The following MUC5AC variants were observed in gnomAD, a reference collection of about 807,000 sequenced individuals.
MUC5AC encodes mucin-5AC.
MUC5AC carries 158 observed loss-of-function variants against 169.7 expected under a neutral mutation model. That is an observed-to-expected ratio of 0.93 (90% CI 0.82 to 1.06). The LOEUF is 1.06. Ranked by LOEUF, MUC5AC falls within the 50% of genes least tolerant of loss-of-function variation. The probability of loss-of-function intolerance (pLI) is 0.00; values close to 1 mark genes in which losing one functional copy is unlikely to be tolerated. For missense variants in MUC5AC, 4,359 were observed against 3,089.9 expected (o/e 1.41, Z -9.74); for synonymous variants, 1,975 against 1,237.0 (o/e 1.60, Z -12.52).
chr11:1,199,753 C>G lies in MUC5AC; in HGVS notation c.16574C>G (p.Pro5525Arg), dbSNP rs777192292. ...CGCTTCTGCCCGCCGCCCCCGCCCC[C>G]GTACCAGAACCGTGAGTACCCAGCC... The part of the protein sequence containing the change: ...CCRFCPPPPP[P>R]YQNQSTCAVY... The change falls in exon 47 of 49, where the codon CCG becomes CGG. Residue 5525 changes from proline to arginine, a missense_variant. Pro to Arg is a moderately radical substitution (Grantham distance 103). Transcript: ENST00000621226. 2 of 713,818 alleles carry G rather than the reference C, an allele frequency of 2.8e-6. No homozygotes were observed. Among genetic ancestry groups the G allele is most frequent in the Non-Finnish European group, 5.1e-6 (2 of 391,614 alleles). The allele number at this position is 713,818 out of a possible 1,614,324, so 44.2% of individuals were successfully genotyped here.
chr11:1,160,073 G>C (rs1174067216), intron 1 of MUC5AC, among the ~76,000 whole-genome samples: 2 of 151,774 alleles, frequency 1.3e-5, no homozygotes, highest in Non-Finnish European at 2.9e-5. Context: ...TCTGTGCAGG[G>C]CTGTGCGGGG....
chr11:1,158,356 C>A (rs372810607), intron 1 of MUC5AC, among the ~76,000 whole-genome samples: 4 of 152,212 alleles, frequency 2.6e-5, no homozygotes, highest in Non-Finnish European at 5.9e-5. Flanking sequence ...CGGATCCCTG[C>A]ACCTGTCCCC....
intron 27 of MUC5AC, 47 bp downstream of exon 27, chr11:1,180,197 G>A (rs1860783983): frequency 7.5e-6 from 3 of 398,216 alleles, no homozygotes; most frequent in African/African-American, 2.1e-5. Flanking sequence ...GCCGCCTGTG[G>A]CCTTCTCCTG....
chr11:1,198,028 G>C, intron 42 of MUC5AC, 24 bp downstream of exon 42: 1 of 650,930 alleles, frequency 1.5e-6, no homozygotes, highest in South Asian at 1.7e-5. Flanking sequence ...ACCAGGCCCT[G>C]TCAGGGGCCG....
Position 1,189,782 on chromosome 11 carries a change from A to G in MUC5AC, c.11637A>G (p.Thr3879=). The G allele has an allele frequency of 1.4e-6, 1 of 700,822 alleles. No individual in the cohort carries two copies. The highest frequency in any genetic ancestry group is 2.6e-6 in the Non-Finnish European group (1 of 384,820). 43.4% of individuals were successfully genotyped at this position (700,822 alleles called of 1,614,324 possible). A position where few individuals can be genotyped will look rare whatever the true frequency, so the allele number is the denominator to read the frequency against. ...CAATCTCTGCCCCTACAACCAGCAC[A>G]ACCTCTTTCCATACAACCAGCACAA... ...ASTISAPTTS[T]TSFHTTSTTS... is the part of the protein sequence containing the mutation. The change falls in exon 31 of 49, where the codon ACA becomes ACG. Residue 3879 remains threonine (T), a synonymous_variant. Transcript: ENST00000621226.
In MUC5AC at chr11:1,174,877, C is replaced by G. The variant is rs943828495; in HGVS notation, c.2093-5C>G. 3 of 419,166 alleles carry G rather than the reference C, an allele frequency of 7.2e-6. No homozygotes were observed. The South Asian group carries it at 2.2e-4, about 31-fold the overall frequency. 26.0% of individuals were successfully genotyped at this position (419,166 alleles called of 1,614,324 possible). ...TGAGAATCCCCTCTTCCTGGCATCC[C>G]GCAGCGAAGCCTATGACCACTTGCC... On this transcript the variant is annotated splice_region_variant and splice_polypyrimidine_tract_variant and intron_variant, in intron 17 of 48. Coordinates refer to ENST00000621226, the MANE Select transcript of MUC5AC (RefSeq NM_001304359.2).
chr11:1,186,189 A>G lies in MUC5AC; in HGVS notation c.8044A>G (p.Thr2682Ala). 1.3e-6 allele frequency: 1 copy of G among 747,896 alleles called. No homozygotes were observed. Among genetic ancestry groups the G allele is most frequent in the East Asian group, 2.5e-5 (1 of 40,780 alleles). 46.3% of individuals were successfully genotyped at this position (747,896 alleles called of 1,614,324 possible). ...CACCAGCACAACTTCTGCTTCTACA[A>G]CCAGCACAACCTCTGCTTCTACAAC... ...PTTSTTSAST[T>A]STTSASTTST... is the part of the protein sequence containing the mutation. The change falls in exon 31 of 49, where the codon ACC becomes GCC. Residue 2682 changes from threonine to alanine, a missense_variant. Coordinates refer to ENST00000621226, the MANE Select transcript of MUC5AC (RefSeq NM_001304359.2).
intron 32 of MUC5AC, 45 bp downstream of exon 32, chr11:1,193,027 C>T (rs1377853552): frequency 3.1e-6 from 2 of 635,990 alleles, no homozygotes; most frequent in Non-Finnish European, 5.7e-6. Flanking sequence ...GGGGCTCCTA[C>T]AGGGAACTTG....
rs1861418355 is a variant in MUC5AC, at chr11:1,201,111, T to G, written c.*409T>G. ...CCTCCTCAGTACACGGCCAATCTGT[T>G]GCATAAATACACTTGAGCATTTTGC... is the stretch of plus-strand genomic sequence containing the variant. On this transcript the variant is annotated 3_prime_UTR_variant, in exon 49 of 49. Transcript: ENST00000621226. 1 of 173,098 alleles carries G rather than the reference T, an allele frequency of 5.8e-6. No homozygotes were observed. The highest frequency in any genetic ancestry group is 1.2e-5 in the Non-Finnish European group (1 of 82,048). The allele number at this position is 173,098 out of a possible 1,614,324, so 10.7% of individuals were successfully genotyped here. A position where few individuals can be genotyped will look rare whatever the true frequency, so the allele number is the denominator to read the frequency against.
Position 1,179,073 on chromosome 11 carries a change from G to A in MUC5AC, c.3328-19G>A. On this transcript the variant is annotated intron_variant, in intron 25 of 48. Coordinates refer to ENST00000621226, the MANE Select transcript of MUC5AC (RefSeq NM_001304359.2). ...GGTGGTGGGGGGGTCCCTGGAACCT[G>A]AAGCCCCGTCTCCCTCAGGTGGAGC... is the stretch of plus-strand genomic sequence containing the variant. The A allele has an allele frequency of 3.9e-6, 2 of 507,512 alleles. No individual in the cohort carries two copies. Among genetic ancestry groups the A allele is most frequent in the Non-Finnish European group, 7.1e-6 (2 of 280,016 alleles). The allele number at this position is 507,512 out of a possible 1,614,324, so 31.4% of individuals were successfully genotyped here.
At chr11:1,173,738 AC>A (rs1860610265) in intron 16 of MUC5AC, among the ~76,000 whole-genome samples, 1 of 148,696 alleles carries the variant, frequency 6.7e-6, no homozygotes, top group Non-Finnish European at 1.5e-5. Flanking sequence ...TCATCCACTC[AC>A]TCACTCACTC....
chr11:1,164,190 A>G lies in MUC5AC; in HGVS notation c.874A>G (p.Arg292Gly). The G allele has an allele frequency of 1.9e-6, 3 of 1,612,584 alleles. No homozygotes were observed. Among genetic ancestry groups the G allele is most frequent in the Non-Finnish European group, 2.5e-6 (3 of 1,179,862 alleles). ...CGTCGGCAGCTACCTGGAGGCTTGC[A>G]GGCAAGACCTCTGCTTCTGTGAAGA... ...VDVGSYLEACRQDLCFCEDTD... is the reference protein window; with the variant it reads ...VDVGSYLEACGQDLCFCEDTD... Residue 292 changes from arginine to glycine, a missense_variant, in exon 8 of 49, where the codon AGG (arginine) becomes GGG (glycine). Physicochemically the swap from Arg to Gly is moderately radical, Grantham distance 125. Coordinates refer to ENST00000621226, the MANE Select transcript of MUC5AC (RefSeq NM_001304359.2).
rs778288145 is a variant in MUC5AC at position 1,195,241 on chromosome 11, G to A, written c.15420G>A (p.Pro5140=). The A allele has an allele frequency of 2.9e-5, 22 of 760,936 alleles. No homozygotes were observed. Among genetic ancestry groups the A allele is most frequent in the Middle Eastern group, 2.2e-4 (1 of 4,446 alleles). 47.1% of individuals were successfully genotyped at this position (760,936 alleles called of 1,614,324 possible). The change falls in exon 36 of 49, where the codon CCG becomes CCA. Residue 5140 remains proline (P), a synonymous_variant. Coordinates refer to ENST00000621226, the MANE Select transcript of MUC5AC (RefSeq NM_001304359.2). The part of the protein sequence containing the change: ...TTVGPTTPPA[P]CLPSPICQLI... ...TCGGGCCCACCACACCGCCTGCTCC[G>A]TGCCTGCCATCACCCATCTGCCAGC...
Position 1,162,161 on chromosome 11 carries a change from G to T in MUC5AC, c.466G>T (p.Gly156Cys). 5 of 1,609,772 alleles carry T rather than the reference G, an allele frequency of 3.1e-6. No homozygotes were observed. Among genetic ancestry groups the T allele is most frequent in the Non-Finnish European group, 4.2e-6 (5 of 1,177,740 alleles). ...QLTKGSVLVN[G>C]HPVLLPFSQS... is the part of the protein sequence containing the mutation. ...GACCAAGGGCTCCGTCCTGGTCAAC[G>T]GCCACCCGTGAGTCTGGGTTCTGGG... is the stretch of plus-strand genomic sequence containing the variant. Residue 156 changes from glycine (G) to cysteine (C), a missense_variant, in exon 4 of 49, where the codon GGC becomes TGC. Physicochemically the swap from Gly to Cys is radical, Grantham distance 159. Coordinates refer to ENST00000621226, the MANE Select transcript of MUC5AC (RefSeq NM_001304359.2).
rs2133738084 is a variant in MUC5AC, at chr11:1,172,478, C to T, written c.1920C>T (p.Pro640=). 1 of 398,708 alleles carries T rather than the reference C, an allele frequency of 2.5e-6. No individual in the cohort carries two copies. The highest frequency in any genetic ancestry group is 4.4e-6 in the Non-Finnish European group (1 of 226,094). The allele number at this position is 398,708 out of a possible 1,614,324, so 24.7% of individuals were successfully genotyped here. A position where few individuals can be genotyped will look rare whatever the true frequency, so the allele number is the denominator to read the frequency against. The part of the protein sequence containing the change: ...WCSQLTDADG[P]FGRCHAAVKP... ...CGCAGCTGACCGATGCCGACGGCCC[C>T]TTCGGCCGGTGCCATGCTGCCGTGA... The change falls in exon 16 of 49, where the codon CCC becomes CCT. Residue 640 remains proline, a synonymous_variant. Transcript: ENST00000621226.
intron 43 of MUC5AC, 37 bp downstream of exon 43, chr11:1,198,342 G>A (rs1861337698): frequency 5.5e-6 from 4 of 728,792 alleles, no homozygotes; most frequent in South Asian, 4.3e-5. Context: ...TCAGCCATAG[G>A]GACGGAGCTT....
Position 1,188,541 on chromosome 11 carries a change from C to A in MUC5AC, c.10396C>A (p.Pro3466Thr), listed in dbSNP as rs1279064486. 1 of 749,450 alleles carries A rather than the reference C, an allele frequency of 1.3e-6. No homozygotes were observed. The highest frequency in any genetic ancestry group is 2.4e-6 in the Non-Finnish European group (1 of 409,226). The allele number at this position is 749,450 out of a possible 1,614,324, so 46.4% of individuals were successfully genotyped here. ...CCCTACAAGCAGCACAACCTCCACT[C>A]CACAGACCAGCAAAACCTCAGCTGC... ...SAPTSSTTSTPQTSKTSAATS... is the reference protein window; with the variant it reads ...SAPTSSTTSTTQTSKTSAATS... Residue 3466 changes from proline to threonine, a missense_variant, in exon 31 of 49, where the codon CCA (proline) becomes ACA (threonine). Physicochemically the swap from Pro to Thr is conservative, Grantham distance 38. Transcript: ENST00000621226.
Position 1,194,552 on chromosome 11 carries a change from C to A in MUC5AC, c.15072C>A (p.Ile5024=). 1 of 764,038 alleles carries A rather than the reference C, an allele frequency of 1.3e-6. No individual in the cohort carries two copies. Among genetic ancestry groups the A allele is most frequent in the Non-Finnish European group, 2.4e-6 (1 of 417,334 alleles). The allele number at this position is 764,038 out of a possible 1,614,324, so 47.3% of individuals were successfully genotyped here. The change falls in exon 35 of 49, where the codon ATC becomes ATA. Residue 5024 remains isoleucine, a synonymous_variant. Coordinates refer to ENST00000621226, the MANE Select transcript of MUC5AC (RefSeq NM_001304359.2). ...AAAACGGCATCGTGGTCTCGCGCAT[C>A]GGCGTCAAGATGTACGCGACCATCC... The part of the protein sequence containing the change: ...FRKNGIVVSR[I]GVKMYATIPE...
At position 1,190,733 on chromosome 11, in the gene MUC5AC, C is replaced by T. The variant is rs1861069575; in HGVS notation, c.12588C>T (p.Ser4196=). Residue 4196 remains serine, a synonymous_variant, in exon 31 of 49, where the codon TCC becomes TCT. Transcript: ENST00000621226. ...ISAPTTSTIS[S]PTSSTTSTPQ... ...CCCCTACAACCAGCACAATCTCTTC[C>T]CCTACAAGCAGCACAACCTCCACTC... 2 of 699,802 alleles carry T rather than the reference C, an allele frequency of 2.9e-6. No individual in the cohort carries two copies. Among genetic ancestry groups the T allele is most frequent in the East Asian group, 2.7e-5 (1 of 37,142 alleles). 43.3% of individuals were successfully genotyped at this position (699,802 alleles called of 1,614,324 possible).
Sources: allele counts gnomAD v4.1 joint callset (sites outside exome capture counted in the v4.1 genomes callset), GRCh38; gene constraint gnomAD v4.1.1; transcripts MANE v1.5; gene names NCBI Gene and HGNC (gene_info 2026-07-23, HGNC 2026-07-21).